The following ZFYVE28 variants were observed in gnomAD, a reference collection of about 807,000 sequenced individuals.
The protein encoded by ZFYVE28 is lateral signaling target protein 2 homolog.
ZFYVE28 carries 40 observed loss-of-function variants against 82.1 expected under a neutral mutation model. That is an observed-to-expected ratio of 0.49 (90% CI 0.38 to 0.63). The LOEUF is 0.63. ZFYVE28 is among the 30% of genes least tolerant of loss of function. ZFYVE28 has a pLI of 0.00. For synonymous variants in ZFYVE28, 612 were observed against 546.1 expected (o/e 1.12, Z -1.68); for missense variants, 1,321 against 1,242.1 (o/e 1.06, Z -0.96).
At chr4:2,310,281 C>T (rs989899596) in intron 7 of ZFYVE28, among the ~76,000 whole-genome samples, 8 of 152,172 alleles carry the variant, frequency 5.3e-5, no homozygotes, top group Non-Finnish European at 7.3e-5. Context: ...TCAAGCGATC[C>T]TCCTGCCTCA....
In ZFYVE28 at chr4:2,270,822, G is replaced by A. The variant is rs541967359; in HGVS notation, c.2567C>T (p.Pro856Leu). 1.7e-5 allele frequency: 28 copies of A among 1,613,028 alleles called. No individual in the cohort carries two copies. In the East Asian group the frequency reaches 2.0e-4, roughly 12 times the overall value. The change falls in exon 13 of 13, where the codon CCG becomes CTG. Residue 856 changes from proline (P) to leucine (L), a missense_variant. Pro to Leu is a moderately conservative substitution (Grantham distance 98). This residue lies in a region of ZFYVE28 where 978 missense variants were observed against 833.7 expected (regional missense o/e 1.17). Transcript: ENST00000290974. The part of the protein sequence containing the change: ...FCSRCSSHSA[P>L]LPRYGQVKPV... ...CTTCACCTGCCCGTAGCGGGGCAGC[G>A]GTGCTGAGTGCGAGGAGCAGCGCGA...
intron 7 of ZFYVE28, among the ~76,000 whole-genome samples, chr4:2,308,386 C>T (rs939411160): frequency 3.3e-5 from 5 of 151,770 alleles, no homozygotes; most frequent in Non-Finnish European, 5.9e-5. Flanking sequence ...GTGGAAACTA[C>T]CCAAAGCCCA....
At chr4:2,308,640 A>AGAAG (rs1491533600) in intron 7 of ZFYVE28, among the ~76,000 whole-genome samples, 2 of 121,634 alleles carry the variant, frequency 1.6e-5, no homozygotes, top group Non-Finnish European at 3.5e-5. Context: ...AAAGAAAGAA[A>AGAAG]GAAAGAAAGA....
intron 7 of ZFYVE28, among the ~76,000 whole-genome samples, chr4:2,312,589 G>A (rs1258492563): frequency 2.6e-5 from 4 of 151,778 alleles, no homozygotes; most frequent in African/African-American, 9.7e-5. Flanking sequence ...TTAGCCGGGT[G>A]TGGTGGCGGG....
At chr4:2,327,112 T>G (rs1263509843) in intron 6 of ZFYVE28, among the ~76,000 whole-genome samples, 1 of 151,480 alleles carries the variant, frequency 6.6e-6, no homozygotes, top group African/African-American at 2.4e-5. Flanking sequence ...TAGCTGGGCA[T>G]GGTGGCTCAT....
chr4:2,335,657 C>T lies in ZFYVE28; in HGVS notation c.701+48G>A, dbSNP rs1405753321. The T allele has an allele frequency of 2.6e-6, 4 of 1,534,328 alleles. No homozygotes were observed. Among genetic ancestry groups the T allele is most frequent in the Non-Finnish European group, 3.5e-6 (4 of 1,132,198 alleles). On this transcript the variant is annotated intron_variant, in intron 6 of 12. Transcript: ENST00000290974. This position sits in a 1 kb window ranked among gnomAD's most constrained non-coding sequence, Gnocchi z 5.8. ...ACGGGACCTGGCACCATCAGCCCTGCCCGTCCCGCAGGTTTCTGCAGAGGT... is the reference window on the plus strand; with the variant it reads ...ACGGGACCTGGCACCATCAGCCCTGTCCGTCCCGCAGGTTTCTGCAGAGGT...
intron 1 of ZFYVE28, among the ~76,000 whole-genome samples, chr4:2,359,901 C>T (rs980802573): frequency 6.6e-6 from 1 of 152,168 alleles, no homozygotes; most frequent in Non-Finnish European, 1.5e-5. Context: ...GAGGAAGCTG[C>T]TCTTGGGGTG....
chr4:2,322,490 G>A (rs1252756633), intron 6 of ZFYVE28, among the ~76,000 whole-genome samples: 2 of 152,216 alleles, frequency 1.3e-5, no homozygotes, highest in Non-Finnish European at 2.9e-5. Flanking sequence ...GGGGCACTGT[G>A]AGGGGCTTGG....
chr4:2,339,305 C>T lies in ZFYVE28; in HGVS notation c.521+148G>A, dbSNP rs903917056. On this transcript the variant is annotated intron_variant, in intron 4 of 12. Transcript: ENST00000290974. The surrounding 1 kb of genome is among the most constrained non-coding windows in gnomAD (Gnocchi z 5.0). ...CACCTCCACGCTATGCTCTCCAGGG[C>T]TTAACCCCACCCACAGGCGGCCCTG... is the stretch of plus-strand genomic sequence containing the variant. 18 of 852,972 alleles carry T rather than the reference C, an allele frequency of 2.1e-5. No individual in the cohort carries two copies. The highest frequency in any genetic ancestry group is 3.3e-5 in the Non-Finnish European group (18 of 544,772). The allele number at this position is 852,972 out of a possible 1,614,324, so 52.8% of individuals were successfully genotyped here.
At position 2,308,612 on chromosome 4, in the gene ZFYVE28, A is replaced by G. The variant is rs58867635; in HGVS notation, c.804-3076T>C. Among the ~76,000 whole-genome samples, 383 of 137,418 alleles carry G rather than the reference A, an allele frequency of 2.8e-3. 18 individuals are homozygous for G. In the East Asian group the frequency reaches 0.067, roughly 24 times the overall value. The allele number at this position is 137,418 out of a possible 152,430, so 90.2% of individuals were successfully genotyped here. A position where few individuals can be genotyped will look rare whatever the true frequency, so the allele number is the denominator to read the frequency against. On this transcript the variant is annotated intron_variant, in intron 7 of 12. Coordinates refer to ENST00000290974, the MANE Select transcript of ZFYVE28 (RefSeq NM_020972.3). The stretch of plus-strand genomic sequence containing the variant: ...AAGGAAGGAGAGACAGAGAGAGAGA[A>G]AGAAAGAAAGAAGACAGAAAGAAAG...
rs1304038006 is a variant in ZFYVE28 at position 2,320,456 on chromosome 4, A to C, written c.702-185T>G. Among the ~76,000 whole-genome samples, 3 of 152,228 alleles carry C rather than the reference A, an allele frequency of 2.0e-5. No homozygotes were observed. The highest frequency in any genetic ancestry group is 1.5e-5 in the Non-Finnish European group (1 of 68,040). On this transcript the variant is annotated intron_variant, in intron 6 of 12. Coordinates refer to ENST00000290974, the MANE Select transcript of ZFYVE28 (RefSeq NM_020972.3). This position sits in a 1 kb window ranked among gnomAD's most constrained non-coding sequence, Gnocchi z 5.1. ...ATTGTAAATAAGTTTAGAAAAAAGCAGTGAGAATTATTACCCAGACTTCAT... is the reference window on the plus strand; with the variant it reads ...ATTGTAAATAAGTTTAGAAAAAAGCCGTGAGAATTATTACCCAGACTTCAT...
intron 8 of ZFYVE28, among the ~76,000 whole-genome samples, chr4:2,288,075 G>A (rs1713034277): frequency 6.6e-6 from 1 of 152,148 alleles, no homozygotes; most frequent in African/African-American, 2.4e-5. Context: ...GAAGGCAGAA[G>A]CAACTGGCCT....
In ZFYVE28 at chr4:2,341,310, T is replaced by G; in HGVS notation, c.318+168A>C. The stretch of plus-strand genomic sequence containing the variant: ...ATGGCTTTCCCAGATCCTCCAGGGG[T>G]GCACGGCCTACCAGGCTCAGACCAC... On this transcript the variant is annotated intron_variant, in intron 3 of 12. Coordinates refer to ENST00000290974, the MANE Select transcript of ZFYVE28 (RefSeq NM_020972.3). This position sits in a 1 kb window ranked among gnomAD's most constrained non-coding sequence, Gnocchi z 4.5. 1 of 855,924 alleles carries G rather than the reference T, an allele frequency of 1.2e-6. No homozygotes were observed. The highest frequency in any genetic ancestry group is 1.8e-6 in the Non-Finnish European group (1 of 554,642). 53.0% of individuals were successfully genotyped at this position (855,924 alleles called of 1,614,324 possible).
At chr4:2,321,454 G>A (rs902502687) in intron 6 of ZFYVE28, among the ~76,000 whole-genome samples, 1 of 152,096 alleles carries the variant, frequency 6.6e-6, no homozygotes, top group Non-Finnish European at 1.5e-5. Context: ...CTGCCTCCGG[G>A]GCCCCTGTGG....
At chr4:2,385,575 T>A (rs1387074803) in intron 1 of ZFYVE28, among the ~76,000 whole-genome samples, 1 of 152,234 alleles carries the variant, frequency 6.6e-6, no homozygotes. Flanking sequence ...GTTGCCTACA[T>A]GGCCTCCCAC....
At chr4:2,272,563 C>T (rs1736008113) in intron 10 of ZFYVE28, among the ~76,000 whole-genome samples, 1 of 152,182 alleles carries the variant, frequency 6.6e-6, no homozygotes, top group South Asian at 2.1e-4. Context: ...TACATGTGTG[C>T]ACGTGTATGT....
intron 2 of ZFYVE28, among the ~76,000 whole-genome samples, chr4:2,348,023 C>T (rs1723835291): frequency 6.6e-6 from 1 of 152,012 alleles, no homozygotes; most frequent in Non-Finnish European, 1.5e-5. Context: ...ATCAATGAAG[C>T]TAAAATAGTT....
At chr4:2,368,211 C>CAAAACAAAAAAA (rs1727095379) in intron 1 of ZFYVE28, among the ~76,000 whole-genome samples, 1 of 86,158 alleles carries the variant, frequency 1.2e-5, no homozygotes, top group African/African-American at 4.4e-5. Context: ...CACATCTCTA[C>CAAAACAAAAAAA]AAAAAAAAAA....
intron 8 of ZFYVE28, among the ~76,000 whole-genome samples, chr4:2,282,793 C>G (rs1712127356): frequency 6.6e-6 from 1 of 152,086 alleles, no homozygotes; most frequent in African/African-American, 2.4e-5. Flanking sequence ...AAACCATTTG[C>G]AAAGGCTAAT....
Sources: allele counts gnomAD v4.1 joint callset (sites outside exome capture counted in the v4.1 genomes callset), GRCh38; gene constraint gnomAD v4.1.1; regional missense constraint gnomAD v4.1.1; non-coding constraint Gnocchi (gnomAD v3.1); transcripts MANE v1.5; gene names NCBI Gene and HGNC (gene_info 2026-07-23, HGNC 2026-07-21).